Variants in NCOA2 observed in about 807,000 individuals in gnomAD.
NCOA2 encodes the protein class E basic helix-loop-helix protein 75.
In NCOA2, 21 loss-of-function variants were observed where a neutral mutation model predicts 145.1. The observed-to-expected ratio is 0.14, with a 90% confidence interval of 0.10 to 0.21. NCOA2 has a LOEUF of 0.21. Among genes scored for constraint, NCOA2 ranks in the 10% least tolerant of loss-of-function variants. The pLI, the probability that NCOA2 is intolerant of heterozygous loss-of-function variation, is 1.00. For synonymous variants in NCOA2, 619 were observed against 637.5 expected (o/e 0.97, Z 0.44); for missense variants, 1,472 against 1,837.6 (o/e 0.80, Z 3.64).
At chr8:70,113,696 A>G in intron 22 of NCOA2, 53 bp from the exon 23 acceptor site, 4 of 1,515,112 alleles carry the variant, frequency 2.6e-6, no homozygotes, top group South Asian at 1.2e-5. Context: ...TTTGAAAAAA[A>G]CATCATAAAG....
At chr8:70,251,116 CT>C (rs571404086) in intron 2 of NCOA2, among the ~76,000 whole-genome samples, 127 of 152,238 alleles carry the variant, frequency 8.3e-4, no homozygotes, top group African/African-American at 2.9e-3. Context: ...GAATCTCCTG[CT>C]TGTGGGTATC....
At chr8:70,308,686 A>G (rs1489729800) in intron 1 of NCOA2, among the ~76,000 whole-genome samples, 2 of 152,186 alleles carry the variant, frequency 1.3e-5, no homozygotes, top group African/African-American at 4.8e-5. Flanking sequence ...ATCTAGGACA[A>G]AGAGCACTCT....
Position 70,329,608 on chromosome 8 carries a change from A to G in NCOA2, c.-76-32808T>C, listed in dbSNP as rs867549969. On this transcript the variant is annotated intron_variant, in intron 1 of 22. Coordinates refer to ENST00000452400, the MANE Select transcript of NCOA2 (RefSeq NM_006540.4). Reference sequence around the variant, plus strand: ...GAGGGCTCATGTCCACAAAAAACACAAATAGGAATGTTCACAGCAGCTTTA... The same window carrying G: ...GAGGGCTCATGTCCACAAAAAACACGAATAGGAATGTTCACAGCAGCTTTA... Among the ~76,000 whole-genome samples, 5 of 152,266 alleles carry G rather than the reference A, an allele frequency of 3.3e-5. No homozygotes were observed. The South Asian group carries it at 1.0e-3, about 32-fold the overall frequency.
At chr8:70,417,620 C>T in the NCOA2 span, among the ~76,000 whole-genome samples, 3 of 152,068 alleles carry the variant, frequency 2.0e-5, no homozygotes, top group Non-Finnish European at 4.4e-5. Context: ...TCTGTATTCC[C>T]CTTGCCCTCA....
chr8:70,252,292 T>C (rs1823255858), intron 2 of NCOA2, among the ~76,000 whole-genome samples: 1 of 152,172 alleles, frequency 6.6e-6, no homozygotes, highest in Non-Finnish European at 1.5e-5. Context: ...TGGTAGTTAG[T>C]GGCTGGCTGC....
In NCOA2 at chr8:70,199,677, G is replaced by C. The variant is rs533301533; in HGVS notation, c.259+14226C>G. On this transcript the variant is annotated intron_variant, in intron 4 of 22. Transcript: ENST00000452400. ...AGAAATTTGGCAATAAAGAGAAGAA[G>C]AACGAGCAAACAGTATGGTGACAAG... Among the ~76,000 whole-genome samples the C allele has an allele frequency of 2.2e-4, 33 of 152,192 alleles. 1 individual carries two copies. The South Asian group carries it at 6.4e-3, about 30-fold the overall frequency.
intron 4 of NCOA2, among the ~76,000 whole-genome samples, chr8:70,183,164 A>G (rs1194439807): frequency 6.6e-6 from 1 of 152,226 alleles, no homozygotes; most frequent in African/African-American, 2.4e-5. Flanking sequence ...TAAAGGAATC[A>G]TAATTTGCTT....
upstream of NCOA2, among the ~76,000 whole-genome samples, chr8:70,406,513 A>G (rs1376620420): frequency 6.6e-6 from 1 of 152,188 alleles, no homozygotes. Flanking sequence ...AGAGAACAAC[A>G]AGGAAAAAAT....
chr8:70,358,102 A>C (rs1283755158), intron 1 of NCOA2, among the ~76,000 whole-genome samples: 2 of 152,082 alleles, frequency 1.3e-5, no homozygotes, highest in Admixed American at 6.6e-5. Context: ...AACACTCCTA[A>C]AGGAATTAAA....
intron 1 of NCOA2, among the ~76,000 whole-genome samples, chr8:70,366,515 C>CAT (rs1020783294): frequency 7.1e-4 from 107 of 149,904 alleles, no homozygotes; most frequent in East Asian, 5.4e-3. Context: ...GAGAAGAGTT[C>CAT]ATATATATAT....
At chr8:70,284,185 A>G (rs1384241665) in intron 2 of NCOA2, among the ~76,000 whole-genome samples, 1 of 152,156 alleles carries the variant, frequency 6.6e-6, no homozygotes, top group African/African-American at 2.4e-5. Flanking sequence ...CACCACTTTT[A>G]TAACTCTTTT....
intron 4 of NCOA2, among the ~76,000 whole-genome samples, chr8:70,191,008 G>C (rs144071399): frequency 4.6e-5 from 7 of 152,128 alleles, no homozygotes; most frequent in Middle Eastern, 3.4e-3. Context: ...AAAACTAATT[G>C]AGAAGCTGGT....
At chr8:70,314,191 AAAAAAAAAAAAAAAAAAG>A (rs1805374515) in intron 1 of NCOA2, among the ~76,000 whole-genome samples, 1 of 129,848 alleles carries the variant, frequency 7.7e-6, no homozygotes, top group South Asian at 2.3e-4. Context: ...AAAAAAAAAA[AAAAAAAAAAAAAAAAAAG>A]CAACTGTCAT....
chr8:70,213,770 T>C (rs1321669060), intron 4 of NCOA2, 133 bp downstream of exon 4: 3 of 769,712 alleles, frequency 3.9e-6, no homozygotes, highest in Non-Finnish European at 6.1e-6. Context: ...GCATTCATCT[T>C]ACACTGTGAC....
chr8:70,380,412 C>T (rs12544983), intron 1 of NCOA2, among the ~76,000 whole-genome samples: 12,721 of 152,144 alleles, frequency 0.084, 609 homozygotes, highest in East Asian at 0.13. Flanking sequence ...CACACACATA[C>T]TTTAAATCCC....
chr8:70,354,462 T>G (rs1363381884), intron 1 of NCOA2, among the ~76,000 whole-genome samples: 1 of 152,198 alleles, frequency 6.6e-6, no homozygotes, highest in Non-Finnish European at 1.5e-5. Context: ...TCTTCTACTT[T>G]AAGGCAGTAG....
intron 1 of NCOA2, among the ~76,000 whole-genome samples, chr8:70,304,124 A>G (rs1231368182): frequency 6.6e-6 from 1 of 152,182 alleles, no homozygotes; most frequent in East Asian, 1.9e-4. Flanking sequence ...CGAGCCTATA[A>G]AACACTTCAA....
intron 1 of NCOA2, among the ~76,000 whole-genome samples, chr8:70,375,661 C>T (rs889955433): frequency 9.2e-5 from 14 of 152,270 alleles, no homozygotes; most frequent in Middle Eastern, 3.4e-3. Context: ...ACTTCAATTG[C>T]TGATCAGAAA....
At chr8:70,281,430 T>G (rs186998081) in intron 2 of NCOA2, among the ~76,000 whole-genome samples, 232 of 150,462 alleles carry the variant, frequency 1.5e-3, no homozygotes, top group Admixed American at 3.7e-3. Context: ...TGCAGTTGCA[T>G]TAACTTAAAT....
Sources: gnomAD v4.1 joint callset for allele counts (sites outside exome capture counted in the v4.1 genomes callset) on GRCh38, gnomAD v4.1.1 for gene constraint, MANE v1.5 for transcripts, NCBI Gene and HGNC (gene_info 2026-07-23, HGNC 2026-07-21) for gene names.